The following CNBD1 variants were observed in gnomAD, a reference collection of about 807,000 sequenced individuals.
CNBD1 encodes the protein cyclic nucleotide binding domain containing 1, also known as cyclic nucleotide-binding domain-containing protein 1.
CNBD1 carries 71 observed loss-of-function variants against 54.4 expected under a neutral mutation model. The observed-to-expected ratio is 1.30, with a 90% confidence interval of 1.08 to 1.59. The LOEUF is 1.59. Among genes scored for constraint, CNBD1 ranks in the 40% most tolerant of loss-of-function variants. The pLI is 0.00. For synonymous variants in CNBD1, 182 were observed against 170.7 expected, an observed-to-expected ratio of 1.07 and a Z score of -0.51; for missense variants, 659 against 518.0, an observed-to-expected ratio of 1.27 and a Z score of -2.64.
At chr8:87,309,755 A>G (rs1809226579) in intron 8 of CNBD1, among the ~76,000 whole-genome samples, 1 of 152,042 alleles carries the variant, frequency 6.6e-6, no homozygotes, top group Admixed American at 6.6e-5. Context: ...CCTGTAAGTG[A>G]TTTCCATTTT....
intron 2 of CNBD1, among the ~76,000 whole-genome samples, chr8:87,427,116 C>G (rs1408225793): frequency 2.6e-5 from 4 of 151,934 alleles, no homozygotes; most frequent in Non-Finnish European, 4.4e-5. Flanking sequence ...CGCAGTTCCC[C>G]CTGTAAAGAG....
chr8:87,259,462 A>C (rs892357638), intron 6 of CNBD1, among the ~76,000 whole-genome samples: 2 of 152,210 alleles, frequency 1.3e-5, no homozygotes, highest in Admixed American at 1.3e-4. Flanking sequence ...TTTTTATTTT[A>C]CTAATAATCT....
Position 87,256,015 on chromosome 8 carries a change from A to ATT in CNBD1, c.771+18927_771+18928dup, listed in dbSNP as rs1212667153. Among the ~76,000 whole-genome samples the ATT allele has an allele frequency of 1.0e-3, 16 of 15,782 alleles. 2 individuals are homozygous for ATT. The highest frequency in any genetic ancestry group is 2.8e-3 in the African/African-American group (10 of 3,584). 10.4% of individuals were successfully genotyped at this position (15,782 alleles called of 152,430 possible). The stretch of plus-strand genomic sequence containing the variant: ...TATATATATATATATATATATATAT[A>ATT]TTTTTTTTTTTTTTTTTTTTTTTTT... On this transcript the variant is annotated intron_variant, in intron 6 of 10. Coordinates refer to ENST00000518476, the MANE Select transcript of CNBD1 (RefSeq NM_173538.3).
At chr8:87,038,756 G>T (rs899693387) in intron 4 of CNBD1, among the ~76,000 whole-genome samples, 1 of 152,168 alleles carries the variant, frequency 6.6e-6, no homozygotes, top group Non-Finnish European at 1.5e-5. Context: ...AAGTTAGCTT[G>T]GCCCAAGCCC....
At chr8:86,888,773 C>G (rs897763446) in intron 2 of CNBD1, among the ~76,000 whole-genome samples, 4 of 152,128 alleles carry the variant, frequency 2.6e-5, no homozygotes, top group Middle Eastern at 3.2e-3. Flanking sequence ...GCATGAGATG[C>G]TAATCAAGGC....
chr8:87,368,575 T>A (rs112347801), intron 10 of CNBD1, among the ~76,000 whole-genome samples: 3,775 of 151,906 alleles, frequency 0.025, 108 homozygotes, highest in African/African-American at 0.064. Flanking sequence ...AGTTTGAGGC[T>A]GCAGTGAGCT....
chr8:87,000,994 T>G (rs1808978598), intron 4 of CNBD1, among the ~76,000 whole-genome samples: 1 of 152,178 alleles, frequency 6.6e-6, no homozygotes, highest in Non-Finnish European at 1.5e-5. Context: ...AGAAACATTT[T>G]TCTACATTTT....
chr8:86,970,291 T>C (rs912785254), intron 4 of CNBD1, among the ~76,000 whole-genome samples: 1 of 152,192 alleles, frequency 6.6e-6, no homozygotes, highest in African/African-American at 2.4e-5. Context: ...CTTAGTAATA[T>C]GTTAGCACTT....
At chr8:87,374,587 G>A (rs1039712424) in intron 10 of CNBD1, among the ~76,000 whole-genome samples, 1 of 151,770 alleles carries the variant, frequency 6.6e-6, no homozygotes, top group Non-Finnish European at 1.5e-5. Context: ...GTCTTCATTA[G>A]TACTGGGGCA....
intron 4 of CNBD1, among the ~76,000 whole-genome samples, chr8:86,943,692 T>G (rs1355582660): frequency 6.6e-6 from 1 of 152,048 alleles, no homozygotes; most frequent in Non-Finnish European, 1.5e-5. Context: ...AGGCCCCTTT[T>G]TAAAATTTTG....
chr8:87,250,803 T>G (rs1807900510), intron 6 of CNBD1, among the ~76,000 whole-genome samples: 1 of 152,132 alleles, frequency 6.6e-6, no homozygotes, highest in South Asian at 2.1e-4. Flanking sequence ...GTGAGTGGAA[T>G]GATGTTTGTC....
chr8:87,386,441 C>T (rs1056100781), downstream of CNBD1, among the ~76,000 whole-genome samples: 17 of 152,190 alleles, frequency 1.1e-4, no homozygotes, highest in Non-Finnish European at 1.8e-4. Flanking sequence ...AGCTGAAAAC[C>T]GTGGCACGAG....
At chr8:86,960,148 G>A (rs946087226) in intron 4 of CNBD1, among the ~76,000 whole-genome samples, 1 of 152,134 alleles carries the variant, frequency 6.6e-6, no homozygotes, top group Non-Finnish European at 1.5e-5. Flanking sequence ...CGGATAGTGG[G>A]TGCAGCCCAC....
At chr8:86,936,227 C>T (rs997461139) in intron 3 of CNBD1, among the ~76,000 whole-genome samples, 3 of 151,942 alleles carry the variant, frequency 2.0e-5, no homozygotes, top group African/African-American at 4.8e-5. Flanking sequence ...AGATAGCCAA[C>T]TGAAAAGGGA....
intron 4 of CNBD1, among the ~76,000 whole-genome samples, chr8:86,989,819 G>A (rs1051305538): frequency 6.6e-6 from 1 of 152,068 alleles, no homozygotes; most frequent in Non-Finnish European, 1.5e-5. Flanking sequence ...CAGTGTACGA[G>A]GGTTCCCTTT....
chr8:86,965,382 G>A (rs1170358358), intron 4 of CNBD1, among the ~76,000 whole-genome samples: 5 of 152,092 alleles, frequency 3.3e-5, no homozygotes, highest in Non-Finnish European at 7.4e-5. Flanking sequence ...CCAGTCCCAA[G>A]TGACTGCTAG....
intron 8 of CNBD1, among the ~76,000 whole-genome samples, chr8:87,292,042 T>A (rs891751035): frequency 2.6e-5 from 4 of 152,198 alleles, no homozygotes; most frequent in Non-Finnish European, 4.4e-5. Flanking sequence ...GCTCAGTACA[T>A]CTGGGTTGTA....
At chr8:87,351,049 A>G (rs1459163008) in intron 8 of CNBD1, among the ~76,000 whole-genome samples, 1 of 152,140 alleles carries the variant, frequency 6.6e-6, no homozygotes, top group African/African-American at 2.4e-5. Context: ...AATACTTTAT[A>G]TGCCCCATGT....
In CNBD1 at chr8:87,205,883, C is replaced by A. The variant is rs1813961221; in HGVS notation, c.432-110C>A. 4 of 895,782 alleles carry A rather than the reference C, an allele frequency of 4.5e-6. No homozygotes were observed. The African/African-American group carries it at 5.3e-5, about 12-fold the overall frequency. The allele number at this position is 895,782 out of a possible 1,614,324, so 55.5% of individuals were successfully genotyped here. On this transcript the variant is annotated intron_variant, in intron 4 of 10. Transcript: ENST00000518476. Reference sequence around the variant, plus strand: ...TAGCATCACAGTTCTTTTTTAAAAACCCTTAACTAAACAGAAAATACAAAT... The same window carrying A: ...TAGCATCACAGTTCTTTTTTAAAAAACCTTAACTAAACAGAAAATACAAAT...
Sources: gnomAD v4.1 joint callset for allele counts (sites outside exome capture counted in the v4.1 genomes callset) on GRCh38, gnomAD v4.1.1 for gene constraint, MANE v1.5 for transcripts, NCBI Gene and HGNC (gene_info 2026-07-23, HGNC 2026-07-21) for gene names.